CPA6: variants seen among roughly 807,000 people sequenced by gnomAD.
The protein encoded by CPA6 is carboxypeptidase A6, also known as carboxypeptidase B.
Under a neutral mutation model 63.3 loss-of-function variants are expected in CPA6, and 58 were observed. That is an observed-to-expected ratio of 0.92 (90% CI 0.74 to 1.14). The LOEUF is 1.14. Among genes scored for constraint, CPA6 ranks in the 50% most tolerant of loss-of-function variants. CPA6 has a pLI of 0.00. For missense variants in CPA6, 565 were observed against 526.6 expected (o/e 1.07, Z -0.71); for synonymous variants, 185 against 179.0 (o/e 1.03, Z -0.27).
chr8:67,480,216 ATAT>A (rs1162153910), intron 8 of CPA6, among the ~76,000 whole-genome samples: 1 of 152,176 alleles, frequency 6.6e-6, no homozygotes, highest in Non-Finnish European at 1.5e-5. Context: ...TATAATTCAC[ATAT>A]TATGAAATTC....
intron 1 of CPA6, among the ~76,000 whole-genome samples, chr8:67,625,395 A>G (rs1815173992): frequency 6.6e-6 from 1 of 152,210 alleles, no homozygotes; most frequent in South Asian, 2.1e-4. Context: ...GAATTACCTA[A>G]GATGACTTAA....
rs148057797 is a variant in CPA6, at chr8:67,529,824, C to T, written c.193-11777G>A. On this transcript the variant is annotated intron_variant, in intron 2 of 10. Transcript: ENST00000297770. ...ATGATCCAATCATACCCCAAGAAGT[C>T]CACTCTTTGACAAGTTCTAGCCATG... Among the ~76,000 whole-genome samples the T allele has an allele frequency of 7.4e-3, 1,121 of 152,226 alleles. 15 individuals carry two copies. Among genetic ancestry groups the T allele is most frequent in the African/African-American group, 0.025 (1,051 of 41,526 alleles).
chr8:67,472,359 T>C (rs1811077239), intron 8 of CPA6, among the ~76,000 whole-genome samples: 1 of 133,788 alleles, frequency 7.5e-6, no homozygotes, highest in Admixed American at 7.3e-5. Flanking sequence ...ACTAAGTTAT[T>C]TGTAAAAGAT....
intron 2 of CPA6, among the ~76,000 whole-genome samples, chr8:67,590,827 T>C (rs1236784867): frequency 6.6e-6 from 1 of 151,228 alleles, no homozygotes. Flanking sequence ...TTCTCCCATT[T>C]TGTAGGTTGC....
chr8:67,707,253 C>G (rs1462643584), intron 1 of CPA6, among the ~76,000 whole-genome samples: 1 of 152,200 alleles, frequency 6.6e-6, no homozygotes, highest in African/African-American at 2.4e-5. Flanking sequence ...CTGAAACATT[C>G]ATGAATACCA....
chr8:67,604,723 A>G (rs1814583313), intron 2 of CPA6, among the ~76,000 whole-genome samples: 1 of 152,188 alleles, frequency 6.6e-6, no homozygotes, highest in South Asian at 2.1e-4. Flanking sequence ...ACTGGGAAAC[A>G]TAGGACACGT....
At chr8:67,727,657 A>G (rs1817623348) in intron 1 of CPA6, among the ~76,000 whole-genome samples, 1 of 152,216 alleles carries the variant, frequency 6.6e-6, no homozygotes, top group Non-Finnish European at 1.5e-5. Flanking sequence ...GTCTGTTCTG[A>G]GAGATTACCT....
At chr8:67,616,378 T>G (rs1437219376) in intron 2 of CPA6, among the ~76,000 whole-genome samples, 1 of 152,036 alleles carries the variant, frequency 6.6e-6, no homozygotes. Flanking sequence ...GAAAAGACAC[T>G]GGGGAGGCTG....
chr8:67,524,901 T>C (rs150951598), intron 2 of CPA6, among the ~76,000 whole-genome samples: 397 of 152,318 alleles, frequency 2.6e-3, no homozygotes, highest in African/African-American at 8.6e-3. Context: ...TCAACTTACA[T>C]GTCCTTAATT....
intron 1 of CPA6, among the ~76,000 whole-genome samples, chr8:67,662,717 G>A (rs545075960): frequency 1.7e-4 from 26 of 151,714 alleles, no homozygotes; most frequent in South Asian, 1.2e-3. Flanking sequence ...ATGATTTATC[G>A]CTTATTTGGT....
At chr8:67,653,480 A>G (rs1815899321) in intron 1 of CPA6, among the ~76,000 whole-genome samples, 1 of 150,964 alleles carries the variant, frequency 6.6e-6, no homozygotes, top group South Asian at 2.1e-4. Flanking sequence ...TTGGATTCCT[A>G]GGTATTTTAT....
At chr8:67,692,253 T>C (rs766482794) in intron 1 of CPA6, among the ~76,000 whole-genome samples, 3 of 151,092 alleles carry the variant, frequency 2.0e-5, no homozygotes, top group Non-Finnish European at 4.4e-5. Flanking sequence ...GGAGAATCGC[T>C]TGAATCCAGG....
At chr8:67,598,409 A>G (rs1814404354) in intron 2 of CPA6, among the ~76,000 whole-genome samples, 1 of 152,180 alleles carries the variant, frequency 6.6e-6, no homozygotes, top group Non-Finnish European at 1.5e-5. Flanking sequence ...AGTATTTTCT[A>G]TGTTAAATAG....
chr8:67,623,503 C>G (rs1815128883), intron 2 of CPA6, among the ~76,000 whole-genome samples: 1 of 151,910 alleles, frequency 6.6e-6, no homozygotes, highest in African/African-American at 2.4e-5. Context: ...AAAAGAGATA[C>G]TAGACCTCAC....
At chr8:67,502,307 A>T (rs1232861365) in intron 6 of CPA6, among the ~76,000 whole-genome samples, 2 of 152,084 alleles carry the variant, frequency 1.3e-5, no homozygotes, top group Non-Finnish European at 2.9e-5. Flanking sequence ...AAAATAATTT[A>T]AAAAAATTAG....
chr8:67,499,310 T>C lies in CPA6; in HGVS notation c.636+7477A>G, dbSNP rs116850978. Among the ~76,000 whole-genome samples the C allele has an allele frequency of 5.7e-3, 870 of 152,266 alleles. 6 individuals are homozygous for C. Among genetic ancestry groups the C allele is most frequent in the Non-Finnish European group, 9.6e-3 (654 of 68,022 alleles). Reference sequence around the variant, plus strand: ...AGAGTCAGGGCCAGCTGATGAGGATTACACAGTAGGGAAGAGAGAGCAGAG... The same window carrying C: ...AGAGTCAGGGCCAGCTGATGAGGATCACACAGTAGGGAAGAGAGAGCAGAG... On this transcript the variant is annotated intron_variant, in intron 6 of 10. Transcript: ENST00000297770.
chr8:67,488,568 A>G (rs1366093385), intron 6 of CPA6, among the ~76,000 whole-genome samples: 1 of 152,164 alleles, frequency 6.6e-6, no homozygotes, highest in Non-Finnish European at 1.5e-5. Context: ...ACTTCAAAGT[A>G]GTTTTTTCCA....
intron 2 of CPA6, among the ~76,000 whole-genome samples, chr8:67,577,681 C>T (rs1813661887): frequency 6.6e-6 from 1 of 152,140 alleles, no homozygotes; most frequent in Non-Finnish European, 1.5e-5. Context: ...CTTTAACCTG[C>T]TGCCTAAATT....
At chr8:67,512,801 G>C (rs1346507694) in intron 3 of CPA6, among the ~76,000 whole-genome samples, 1 of 152,024 alleles carries the variant, frequency 6.6e-6, no homozygotes, top group Non-Finnish European at 1.5e-5. Context: ...ACATATAATG[G>C]CATCTTTAAA....
Sources: allele counts gnomAD v4.1 joint callset (sites outside exome capture counted in the v4.1 genomes callset), GRCh38; gene constraint gnomAD v4.1.1; transcripts MANE v1.5; gene names NCBI Gene and HGNC (gene_info 2026-07-23, HGNC 2026-07-21).